NBAS: variants seen among roughly 807,000 people sequenced by gnomAD.
NBAS encodes NBAS subunit of NRZ tethering complex.
Under a neutral mutation model 302.5 loss-of-function variants are expected in NBAS, and 219 were observed. That is an observed-to-expected ratio of 0.72 (90% CI 0.65 to 0.81). NBAS has a LOEUF of 0.81. Among genes scored for constraint, NBAS ranks in the 30% least tolerant of loss-of-function variants. The pLI is 0.00. For synonymous variants in NBAS, 1,118 were observed against 1,021.6 expected (o/e 1.09, Z -1.80); for missense variants, 2,932 against 2,841.6 (o/e 1.03, Z -0.72).
chr2:15,320,185 C>T (rs1399434672), intron 38 of NBAS, among the ~76,000 whole-genome samples: 1 of 152,054 alleles, frequency 6.6e-6, no homozygotes, highest in African/African-American at 2.4e-5. Flanking sequence ...AGGCCTTCGA[C>T]AAAATTCAAC....
chr2:15,374,476 G>T, intron 31 of NBAS, 132 bp downstream of exon 31: 1 of 767,418 alleles, frequency 1.3e-6, no homozygotes, highest in Non-Finnish European at 2.3e-6. Flanking sequence ...AAAATAATGG[G>T]TCAAGGGCAG....
intron 21 of NBAS, among the ~76,000 whole-genome samples, chr2:15,443,661 G>T (rs531696074): frequency 6.6e-6 from 1 of 150,792 alleles, no homozygotes; most frequent in African/African-American, 2.4e-5. Flanking sequence ...AGGGCAATTA[G>T]GCAGGAGAAG....
chr2:15,121,960 T>C, the NBAS span, among the ~76,000 whole-genome samples: 1 of 152,222 alleles, frequency 6.6e-6, no homozygotes, highest in African/African-American at 2.4e-5. Context: ...AAAGGGTCCA[T>C]AGGCTTCATC....
the NBAS span, among the ~76,000 whole-genome samples, chr2:14,836,416 G>T: frequency 4.0e-5 from 6 of 151,730 alleles, no homozygotes; most frequent in Admixed American, 6.6e-5. Context: ...TGAGTATTTT[G>T]ACTCTCATGT....
intron 49 of NBAS, among the ~76,000 whole-genome samples, chr2:15,187,448 G>T (rs933546574): frequency 4.6e-5 from 7 of 152,060 alleles, no homozygotes; most frequent in South Asian, 2.1e-4. Flanking sequence ...TACAATCAGG[G>T]TATTGCATAG....
intron 48 of NBAS, among the ~76,000 whole-genome samples, chr2:15,194,346 A>T (rs1300591751): frequency 3.3e-5 from 5 of 152,194 alleles, no homozygotes; most frequent in African/African-American, 7.2e-5. Context: ...CATTAATGTG[A>T]ATAATAATGG....
chr2:15,382,876 A>G (rs1379198831), intron 29 of NBAS, among the ~76,000 whole-genome samples: 1 of 152,232 alleles, frequency 6.6e-6, no homozygotes, highest in African/African-American at 2.4e-5. Context: ...GCTGCAGTTC[A>G]GCAGAGATGA....
the NBAS span, among the ~76,000 whole-genome samples, chr2:14,847,103 G>A: frequency 6.6e-6 from 1 of 152,048 alleles, no homozygotes; most frequent in Non-Finnish European, 1.5e-5. Context: ...AACATAGACG[G>A]CCGGGCATGG....
At chr2:15,470,915 C>T (rs760895061) in intron 16 of NBAS, among the ~76,000 whole-genome samples, 3 of 151,978 alleles carry the variant, frequency 2.0e-5, no homozygotes, top group Non-Finnish European at 2.9e-5. Context: ...GAGCCGAGAT[C>T]GCACCATTGC....
the NBAS span, among the ~76,000 whole-genome samples, chr2:15,048,577 C>T: frequency 1.3e-5 from 2 of 152,228 alleles, no homozygotes; most frequent in African/African-American, 4.8e-5. Context: ...TGTACTCCTG[C>T]TCCACCCAAG....
At chr2:15,242,450 T>G (rs910627576) in intron 44 of NBAS, among the ~76,000 whole-genome samples, 1 of 152,136 alleles carries the variant, frequency 6.6e-6, no homozygotes, top group African/African-American at 2.4e-5. Flanking sequence ...GACTAGGCGT[T>G]TTACTTAATT....
chr2:15,252,654 A>G (rs1014445110), intron 44 of NBAS, among the ~76,000 whole-genome samples: 41 of 152,192 alleles, frequency 2.7e-4, no homozygotes, highest in Non-Finnish European at 4.4e-5. Flanking sequence ...GTTTACAAAC[A>G]GTTTATTATT....
chr2:14,869,958 G>T, the NBAS span, among the ~76,000 whole-genome samples: 1 of 152,132 alleles, frequency 6.6e-6, no homozygotes, highest in African/African-American at 2.4e-5. Context: ...AAATTAGAAT[G>T]AGGCCTCTAC....
the NBAS span, among the ~76,000 whole-genome samples, chr2:15,159,015 C>T: frequency 2.2e-4 from 33 of 152,308 alleles, no homozygotes; most frequent in Middle Eastern, 0.01. Context: ...TCCCATGCTA[C>T]CTAAGGCTTG....
At chr2:15,501,629 G>A (rs937478951) in intron 11 of NBAS, among the ~76,000 whole-genome samples, 7 of 124,984 alleles carry the variant, frequency 5.6e-5, no homozygotes, top group East Asian at 2.3e-4. Flanking sequence ...TCGCTCTGTC[G>A]CCCAGGCTGG....
chr2:15,360,820 C>A (rs941519293), intron 32 of NBAS, among the ~76,000 whole-genome samples: 2 of 152,250 alleles, frequency 1.3e-5, no homozygotes, highest in Non-Finnish European at 2.9e-5. Flanking sequence ...ATGGAGCTAT[C>A]ATCTCCTATG....
chr2:15,104,530 G>A, the NBAS span, among the ~76,000 whole-genome samples: 2 of 150,884 alleles, frequency 1.3e-5, no homozygotes, highest in African/African-American at 4.9e-5. Flanking sequence ...AATTGTGGAT[G>A]TCACAGCACA....
At chr2:14,948,845 A>G in the NBAS span, among the ~76,000 whole-genome samples, 2 of 152,146 alleles carry the variant, frequency 1.3e-5, no homozygotes, top group Non-Finnish European at 2.9e-5. Context: ...TGGCTTCAAA[A>G]TTTACTACAA....
At chr2:15,318,972 T>C (rs1671654318) in intron 38 of NBAS, among the ~76,000 whole-genome samples, 1 of 152,142 alleles carries the variant, frequency 6.6e-6, no homozygotes, top group African/African-American at 2.4e-5. Context: ...ATCACACCTA[T>C]TCTAAAATTG....
Sources: allele counts gnomAD v4.1 joint callset (sites outside exome capture counted in the v4.1 genomes callset), GRCh38; gene constraint gnomAD v4.1.1; transcripts MANE v1.5; gene names NCBI Gene and HGNC (gene_info 2026-07-23, HGNC 2026-07-21).